Variants in TASP1 observed in about 807,000 individuals in gnomAD.
The protein encoded by TASP1 is taspase 1.
A neutral mutation model predicts 56.6 loss-of-function variants in TASP1; 16 were observed. The observed-to-expected ratio is 0.28, with a 90% CI of 0.19 to 0.43. The LOEUF (loss-of-function observed/expected upper bound fraction) is 0.43. Ranked by LOEUF, TASP1 falls within the 20% of genes least tolerant of loss-of-function variation. TASP1 has a pLI of 1.00. For missense variants in TASP1, 393 were observed against 511.6 expected, an observed-to-expected ratio of 0.77 and a Z score of 2.24; for synonymous variants, 179 against 184.2, an observed-to-expected ratio of 0.97 and a Z score of 0.23.
chr20:13,279,947 G>A, the TASP1 span: 1 of 1,562,656 alleles, frequency 6.4e-7, no homozygotes, highest in Non-Finnish European at 8.7e-7. Context: ...AATAAACGAG[G>A]ATGATGCCTT....
chr20:13,456,706 G>A (rs760473676), intron 11 of TASP1, among the ~76,000 whole-genome samples: 5 of 152,028 alleles, frequency 3.3e-5, no homozygotes, highest in Admixed American at 2.6e-4. Flanking sequence ...GGCATTGAAA[G>A]ACCAAATTGA....
chr20:13,239,630 G>A, the TASP1 span: 1 of 152,174 alleles, frequency 6.6e-6, no homozygotes, highest in Non-Finnish European at 1.5e-5. Flanking sequence ...GAATGCCCAG[G>A]TTGGACCGGG....
chr20:13,617,583 G>A (rs1162760476), intron 4 of TASP1, among the ~76,000 whole-genome samples: 4 of 152,108 alleles, frequency 2.6e-5, no homozygotes, highest in Non-Finnish European at 4.4e-5. Context: ...GCTGGGGAAA[G>A]AGCAAGGGAC....
At chr20:13,273,604 C>G in the TASP1 span, among the ~76,000 whole-genome samples, 1 of 152,186 alleles carries the variant, frequency 6.6e-6, no homozygotes, top group African/African-American at 2.4e-5. Flanking sequence ...GCAGTTGGGA[C>G]TCCCAGAGCT....
rs148557510 is a variant in TASP1 at position 13,399,875 on chromosome 20, G to A, written c.1171-9423C>T. ...TTGCCTACTCTGACCCACTAAGACCGGCCTTCTCACTGTCCCTCCAACACA... is the reference window on the plus strand; with the variant it reads ...TTGCCTACTCTGACCCACTAAGACCAGCCTTCTCACTGTCCCTCCAACACA... On this transcript the variant is annotated intron_variant, in intron 13 of 13. Transcript: ENST00000337743. Among the ~76,000 whole-genome samples the A allele has an allele frequency of 1.1e-4, 17 of 152,142 alleles. No homozygotes were observed. In the East Asian group the frequency reaches 2.1e-3, roughly 19 times the overall value.
the TASP1 span, among the ~76,000 whole-genome samples, chr20:13,364,067 C>A: frequency 6.6e-6 from 1 of 151,152 alleles, no homozygotes; most frequent in African/African-American, 2.4e-5. Flanking sequence ...AATATGCATG[C>A]ACTAAAAAAG....
intron 2 of TASP1, 46 bp from the exon 3 acceptor site, chr20:13,625,298 A>C (rs967101105): frequency 5.3e-6 from 8 of 1,502,976 alleles, no homozygotes; most frequent in Non-Finnish European, 7.3e-6. Flanking sequence ...ATATCAAGAG[A>C]CCTTGCTTAT....
intron 4 of TASP1, among the ~76,000 whole-genome samples, chr20:13,617,903 G>A (rs2048577158): frequency 6.6e-6 from 1 of 152,022 alleles, no homozygotes; most frequent in Non-Finnish European, 1.5e-5. Context: ...CCATCTCCAT[G>A]ACCACTAGGC....
At chr20:13,407,329 T>C (rs1426961187) in intron 13 of TASP1, among the ~76,000 whole-genome samples, 2 of 152,246 alleles carry the variant, frequency 1.3e-5, no homozygotes, top group Non-Finnish European at 2.9e-5. Flanking sequence ...TCATACACTA[T>C]GTGGCCATTA....
chr20:13,258,954 T>C, the TASP1 span, among the ~76,000 whole-genome samples: 1 of 152,058 alleles, frequency 6.6e-6, no homozygotes, highest in African/African-American at 2.4e-5. Context: ...CATGGTGATG[T>C]TAAAACCTTA....
chr20:13,264,609 A>G, the TASP1 span, among the ~76,000 whole-genome samples: 1 of 152,168 alleles, frequency 6.6e-6, no homozygotes, highest in Non-Finnish European at 1.5e-5. Context: ...GACTCTGGCC[A>G]TTCTGACCAC....
At chr20:13,473,497 T>A (rs1270058659) in intron 11 of TASP1, among the ~76,000 whole-genome samples, 1 of 151,968 alleles carries the variant, frequency 6.6e-6, no homozygotes, top group Non-Finnish European at 1.5e-5. Flanking sequence ...AATAATAATA[T>A]ATCTTAAAAA....
chr20:13,362,528 G>C, the TASP1 span, among the ~76,000 whole-genome samples: 1 of 143,756 alleles, frequency 7.0e-6, no homozygotes, highest in African/African-American at 2.7e-5. Context: ...CCCTTTGACT[G>C]TAATTTTCCT....
the TASP1 span, among the ~76,000 whole-genome samples, chr20:13,330,103 C>A: frequency 6.2e-4 from 95 of 152,030 alleles, no homozygotes; most frequent in African/African-American, 2.1e-3. Flanking sequence ...ATTACAGGTG[C>A]CTGCCACCAC....
At chr20:13,278,633 GTT>G in the TASP1 span, among the ~76,000 whole-genome samples, 1 of 152,192 alleles carries the variant, frequency 6.6e-6, no homozygotes, top group South Asian at 2.1e-4. Flanking sequence ...CTGTGCACCA[GTT>G]TTCCTTGGTG....
chr20:13,469,197 T>G (rs2044378310), intron 11 of TASP1, among the ~76,000 whole-genome samples: 1 of 152,214 alleles, frequency 6.6e-6, no homozygotes, highest in African/African-American at 2.4e-5. Flanking sequence ...CCAAATTATT[T>G]CCAGTTATCA....
intron 8 of TASP1, among the ~76,000 whole-genome samples, chr20:13,538,159 A>G (rs2045486513): frequency 6.6e-6 from 1 of 151,746 alleles, no homozygotes; most frequent in East Asian, 1.9e-4. Context: ...CCACCACCAC[A>G]CCCAGCTAAT....
chr20:13,333,174 AT>A, the TASP1 span, among the ~76,000 whole-genome samples: 4 of 152,348 alleles, frequency 2.6e-5, no homozygotes, highest in East Asian at 7.7e-4. Flanking sequence ...TCACATGCCC[AT>A]GCAGCCAGCC....
At chr20:13,304,462 C>G in the TASP1 span, among the ~76,000 whole-genome samples, 3 of 152,186 alleles carry the variant, frequency 2.0e-5, no homozygotes, top group Admixed American at 2.0e-4. Flanking sequence ...TCCACCTGTC[C>G]AAACTACCCA....
Sources: gnomAD v4.1 joint callset for allele counts (sites outside exome capture counted in the v4.1 genomes callset) on GRCh38, gnomAD v4.1.1 for gene constraint, MANE v1.5 for transcripts, NCBI Gene and HGNC (gene_info 2026-07-23, HGNC 2026-07-21) for gene names.